Variants in QTGAL observed in about 807,000 individuals in gnomAD.
QTGAL encodes the protein BGnT-like protein 1.
At chr17:82,978,617 G>A in the QTGAL span, 1 of 152,058 alleles carries the variant, frequency 6.6e-6, no homozygotes, top group Non-Finnish European at 1.5e-5. The surrounding 1 kb of genome is among the most constrained non-coding windows in gnomAD (Gnocchi z 4.8). Flanking sequence ...CTTCTAATCA[G>A]GTCACTCGTA....
the QTGAL span, among the ~76,000 whole-genome samples, chr17:82,985,129 G>A: frequency 1.3e-5 from 2 of 152,224 alleles, no homozygotes; most frequent in Non-Finnish European, 2.9e-5. Flanking sequence ...ACCACCCCAG[G>A]CCACTGGCAT....
chr17:83,020,815 G>C, the QTGAL span, among the ~76,000 whole-genome samples: 5 of 152,226 alleles, frequency 3.3e-5, no homozygotes, highest in Admixed American at 3.3e-4. Context: ...TGAGGACGGG[G>C]ACTGGAGAAC....
chr17:82,984,340 G>A, the QTGAL span, among the ~76,000 whole-genome samples: 611 of 52,718 alleles, frequency 0.012, 33 homozygotes, highest in Non-Finnish European at 0.017. Context: ...GTGAGCACAC[G>A]GGGAGAGGCC....
At chr17:82,946,905 A>T in the QTGAL span, 1 of 1,564,624 alleles carries the variant, frequency 6.4e-7, no homozygotes, top group Non-Finnish European at 8.7e-7. Flanking sequence ...TGGGTCCGTC[A>T]GCTGAAGTGA....
At chr17:82,998,701 C>T in the QTGAL span, among the ~76,000 whole-genome samples, 1 of 152,118 alleles carries the variant, frequency 6.6e-6, no homozygotes, top group Admixed American at 6.5e-5. Context: ...AAAAGACAAG[C>T]CACTGACTCA....
the QTGAL span, among the ~76,000 whole-genome samples, chr17:82,998,909 G>A: frequency 6.6e-6 from 1 of 151,480 alleles, no homozygotes; most frequent in Non-Finnish European, 1.5e-5. Context: ...TTTGAGAAAT[G>A]CAAACTAAAA....
chr17:82,971,573 C>G, the QTGAL span, among the ~76,000 whole-genome samples: 1 of 128,452 alleles, frequency 7.8e-6, no homozygotes, highest in East Asian at 2.4e-4. Flanking sequence ...GCCAACCACA[C>G]CACACTCATA....
At chr17:82,946,569 A>AGTGTGTGTGTGTGTGTGTGTGTGT in the QTGAL span, among the ~76,000 whole-genome samples, 3,766 of 150,270 alleles carry the variant, frequency 0.025, 79 homozygotes, top group Middle Eastern at 0.048. Flanking sequence ...ACAGAACCCA[A>AGTGTGTGTGTGTGTGTGTGTGTGT]GTGTGTGTGT....
chr17:82,956,800 C>T, the QTGAL span: 43 of 1,558,266 alleles, frequency 2.8e-5, no homozygotes, highest in African/African-American at 9.5e-5. The surrounding 1 kb of genome is among the most constrained non-coding windows in gnomAD (Gnocchi z 5.7). Flanking sequence ...CAGTCCTGCC[C>T]GAGCCTGGAG....
the QTGAL span, among the ~76,000 whole-genome samples, chr17:83,009,096 GA>G: frequency 3.3e-5 from 5 of 152,106 alleles, no homozygotes; most frequent in African/African-American, 9.7e-5. Flanking sequence ...CCCTCGAGGT[GA>G]GTCCCCCATC....
the QTGAL span, chr17:82,961,035 G>A: frequency 6.3e-7 from 1 of 1,598,834 alleles, no homozygotes; most frequent in Non-Finnish European, 8.5e-7. Flanking sequence ...AGGCGTCCCG[G>A]GGCCGGGCGG....
chr17:83,044,454 A>T, the QTGAL span, among the ~76,000 whole-genome samples: 1 of 152,238 alleles, frequency 6.6e-6, no homozygotes, highest in Non-Finnish European at 1.5e-5. Context: ...TGATTTAAAA[A>T]TTCAACAGAC....
chr17:83,027,655 T>C, the QTGAL span, among the ~76,000 whole-genome samples: 1 of 138,102 alleles, frequency 7.2e-6, no homozygotes, highest in Non-Finnish European at 1.5e-5. Context: ...TGAGTCGAGA[T>C]TGGGCCACCA....
At chr17:82,946,349 T>C in the QTGAL span, among the ~76,000 whole-genome samples, 1 of 152,220 alleles carries the variant, frequency 6.6e-6, no homozygotes, top group Non-Finnish European at 1.5e-5. Context: ...TAGGAATAGA[T>C]TACTATATGA....
the QTGAL span, among the ~76,000 whole-genome samples, chr17:83,031,519 T>TTCCAGGGGGAAGGGTGTAA: frequency 6.6e-6 from 1 of 152,214 alleles, no homozygotes; most frequent in African/African-American, 2.4e-5. Context: ...GCGCCACGTT[T>TTCCAGGGGGAAGGGTGTAA]AGACAGGGCT....
At chr17:82,990,854 T>C in the QTGAL span, among the ~76,000 whole-genome samples, 1 of 152,132 alleles carries the variant, frequency 6.6e-6, no homozygotes, top group Non-Finnish European at 1.5e-5. Flanking sequence ...GAGCCTGCTC[T>C]CTCTCCCTCT....
chr17:82,942,765 A>G, the QTGAL span: 2 of 509,052 alleles, frequency 3.9e-6, no homozygotes, highest in Non-Finnish European at 7.0e-6. Flanking sequence ...CTCACTGCCC[A>G]GGGGTCAGCC....
At chr17:82,988,197 T>A in the QTGAL span, among the ~76,000 whole-genome samples, 15 of 152,124 alleles carry the variant, frequency 9.9e-5, no homozygotes, top group Non-Finnish European at 5.9e-5. Context: ...TTTCTAAATA[T>A]AGGATCATGT....
chr17:83,030,133 C>G, the QTGAL span, among the ~76,000 whole-genome samples: 17 of 152,144 alleles, frequency 1.1e-4, no homozygotes, highest in East Asian at 2.5e-3. Flanking sequence ...CTCCTGAGAT[C>G]CTAAGATCTA....
Sources: gnomAD v4.1 joint callset for allele counts (sites outside exome capture counted in the v4.1 genomes callset) on GRCh38, gnomAD v4.1.1 for gene constraint, Gnocchi (gnomAD v3.1) non-coding constraint, MANE v1.5 for transcripts, NCBI Gene and HGNC (gene_info 2026-07-23, HGNC 2026-07-21) for gene names.